The following BEGAIN variants were observed in gnomAD, a reference collection of about 807,000 sequenced individuals.
The protein encoded by BEGAIN is brain-enriched guanylate kinase-associated protein.
Under a neutral mutation model 35.8 loss-of-function variants are expected in BEGAIN, and 19 were observed. That is an observed-to-expected ratio of 0.53 (90% CI 0.37 to 0.78). The LOEUF is 0.78. Ranked by LOEUF, BEGAIN falls within the 30% of genes least tolerant of loss-of-function variation. BEGAIN has a pLI of 0.00. For synonymous variants in BEGAIN, 462 were observed against 388.6 expected (o/e 1.19, Z -2.22); for missense variants, 795 against 853.6 (o/e 0.93, Z 0.85).
chr14:100,572,730 T>C (rs1338789218), intron 1 of BEGAIN, among the ~76,000 whole-genome samples: 1 of 152,164 alleles, frequency 6.6e-6, no homozygotes, highest in East Asian at 1.9e-4. Flanking sequence ...TGGAAAATCC[T>C]TCACTGGGAG....
Position 100,538,456 on chromosome 14 carries a change from G to A in BEGAIN, c.1352C>T (p.Pro451Leu). The A allele has an allele frequency of 6.3e-7, 1 of 1,588,298 alleles. No individual in the cohort carries two copies. The highest frequency in any genetic ancestry group is 8.6e-7 in the Non-Finnish European group (1 of 1,169,254). ...TGAGGCGCGGCCGGCAGCGCTCACG[G>A]GGTAGGAGTAGGCGCCGATGTCCTC... ...SVEDIGAYSY[P>L]VSAAGRASPC... The change falls in exon 7 of 7, where the codon CCC becomes CTC. Residue 451 changes from proline to leucine, a missense_variant. Transcript: ENST00000554140.
intron 2 of BEGAIN, among the ~76,000 whole-genome samples, chr14:100,555,772 C>T (rs931129220): frequency 2.0e-5 from 3 of 152,212 alleles, no homozygotes; most frequent in African/African-American, 7.2e-5. Flanking sequence ...GGGTCGACCA[C>T]GGTGGCCCCG....
Position 100,568,156 on chromosome 14 carries a change from G to C in BEGAIN, c.43-217C>G. On this transcript the variant is annotated intron_variant, in intron 1 of 6. Transcript: ENST00000554140. The surrounding 1 kb of genome is among the most constrained non-coding windows in gnomAD (Gnocchi z 7.5). Reference sequence around the variant, plus strand: ...GGCCGAGTAACAGGTGAGCCCGCCCGGGCCGCCGCGCTCCCCGCACCGAGT... The same window carrying C: ...GGCCGAGTAACAGGTGAGCCCGCCCCGGCCGCCGCGCTCCCCGCACCGAGT... 15 of 929,186 alleles carry C rather than the reference G, an allele frequency of 1.6e-5. No individual in the cohort carries two copies. The highest frequency in any genetic ancestry group is 1.9e-5 in the Non-Finnish European group (15 of 774,872). The allele number at this position is 929,186 out of a possible 1,614,324, so 57.6% of individuals were successfully genotyped here.
At chr14:100,579,973 C>T (rs1265518517) in intron 1 of BEGAIN, among the ~76,000 whole-genome samples, 2 of 152,172 alleles carry the variant, frequency 1.3e-5, no homozygotes, top group East Asian at 3.9e-4. Flanking sequence ...GGATCCAGCC[C>T]GGCCTATCCC....
intron 1 of BEGAIN, among the ~76,000 whole-genome samples, chr14:100,577,121 C>T (rs182967195): frequency 1.5e-4 from 23 of 152,342 alleles, no homozygotes; most frequent in African/African-American, 5.5e-4. Context: ...ATATGCCTTC[C>T]GTACAGAAAT....
intron 2 of BEGAIN, among the ~76,000 whole-genome samples, chr14:100,564,373 A>G (rs2034525857): frequency 6.6e-6 from 1 of 151,586 alleles, no homozygotes; most frequent in African/African-American, 2.4e-5. Context: ...CGACTGACCC[A>G]CTTCTCTGTT....
chr14:100,579,992 G>A (rs954897954), intron 1 of BEGAIN, among the ~76,000 whole-genome samples: 2 of 151,720 alleles, frequency 1.3e-5, no homozygotes, highest in African/African-American at 4.9e-5. Flanking sequence ...CCACAAACAC[G>A]GCGAGTGTGA....
chr14:100,541,666 C>T (rs1055958052), intron 5 of BEGAIN, among the ~76,000 whole-genome samples: 2 of 152,244 alleles, frequency 1.3e-5, no homozygotes, highest in Admixed American at 1.3e-4. Context: ...GCCCAGCCAG[C>T]CCAGGTCTGC....
rs1016905431 is a variant in BEGAIN, at chr14:100,567,705, G to A, written c.71+206C>T. Among the ~76,000 whole-genome samples, 1 of 151,182 alleles carries A rather than the reference G, an allele frequency of 6.6e-6. No homozygotes were observed. The highest frequency in any genetic ancestry group is 1.5e-5 in the Non-Finnish European group (1 of 67,712). ...AGCCCCCGCCGCAGCGGCCCGGGCC[G>A]GCGGAGGAGCCCCGCGCGAGGCTCC... On this transcript the variant is annotated intron_variant, in intron 2 of 6. Coordinates refer to ENST00000554140, the MANE Select transcript of BEGAIN (RefSeq NM_001385089.1). The surrounding 1 kb of genome is among the most constrained non-coding windows in gnomAD (Gnocchi z 5.1).
At chr14:100,582,784 G>A (rs1017620707) in intron 1 of BEGAIN, among the ~76,000 whole-genome samples, 5 of 152,076 alleles carry the variant, frequency 3.3e-5, no homozygotes, top group Non-Finnish European at 5.9e-5. Flanking sequence ...AGGGCAAAGC[G>A]GGCCTGGAAA....
intron 1 of BEGAIN, among the ~76,000 whole-genome samples, chr14:100,570,758 G>A (rs568170157): frequency 2.0e-5 from 3 of 152,144 alleles, no homozygotes; most frequent in East Asian, 1.9e-4. Flanking sequence ...GCTCCTGCAC[G>A]GGCCCAGCAC....
intron 1 of BEGAIN, among the ~76,000 whole-genome samples, chr14:100,571,089 C>T (rs1450081517): frequency 1.3e-5 from 2 of 152,162 alleles, no homozygotes; most frequent in Non-Finnish European, 2.9e-5. Flanking sequence ...GTCCTCATGG[C>T]ACAGTCCTTC....
intron 2 of BEGAIN, chr14:100,547,399 C>G (rs1384792597): frequency 1.3e-5 from 2 of 152,280 alleles, no homozygotes; most frequent in Non-Finnish European, 2.9e-5. Context: ...AGAATGGGGT[C>G]TCCTGGAGGG....
intron 1 of BEGAIN, chr14:100,577,518 TCGATCCA>T: frequency 2.5e-6 from 1 of 399,268 alleles, no homozygotes; most frequent in Non-Finnish European, 4.4e-6. Context: ...GACCTTGGCC[TCGATCCA>T]CTGCAGAGGG....
At chr14:100,553,516 A>G (rs1037992986) in intron 2 of BEGAIN, among the ~76,000 whole-genome samples, 1 of 152,090 alleles carries the variant, frequency 6.6e-6, no homozygotes, top group Non-Finnish European at 1.5e-5. Flanking sequence ...AAGAGGGACA[A>G]CTGTCCCATA....
At chr14:100,564,506 C>T (rs999670704) in intron 2 of BEGAIN, among the ~76,000 whole-genome samples, 1 of 152,068 alleles carries the variant, frequency 6.6e-6, no homozygotes, top group Admixed American at 6.5e-5. Flanking sequence ...GGATTAGAGG[C>T]ACAGAGGCTC....
rs1328402158 is a variant in BEGAIN at position 100,573,656 on chromosome 14, T to C, written c.43-5717A>G. ...GAGAACCCCTGAGGTGACAGAAGCA[T>C]TGTGACCTCATGTTGAGCAGGGGAA... On this transcript the variant is annotated intron_variant, in intron 1 of 6. Coordinates refer to ENST00000554140, the MANE Select transcript of BEGAIN (RefSeq NM_001385089.1). This position sits in a 1 kb window ranked among gnomAD's most constrained non-coding sequence, Gnocchi z 4.2. 1.3e-5 allele frequency among the ~76,000 whole-genome samples: 2 copies of C among 151,798 alleles called. No individual in the cohort carries two copies. The highest frequency in any genetic ancestry group is 2.9e-5 in the Non-Finnish European group (2 of 67,922).
intron 2 of BEGAIN, among the ~76,000 whole-genome samples, chr14:100,560,778 C>T (rs1211774094): frequency 2.0e-5 from 3 of 152,198 alleles, no homozygotes; most frequent in Non-Finnish European, 4.4e-5. Context: ...GCTGCGTTCA[C>T]CTGACAAGCA....
chr14:100,541,313 C>T (rs1440430403), intron 5 of BEGAIN, among the ~76,000 whole-genome samples: 3 of 152,230 alleles, frequency 2.0e-5, no homozygotes, highest in Non-Finnish European at 2.9e-5. Context: ...TGGGGTGGCC[C>T]GGAGGCCCAG....
Sources: gnomAD v4.1 joint callset for allele counts (sites outside exome capture counted in the v4.1 genomes callset) on GRCh38, gnomAD v4.1.1 for gene constraint, Gnocchi (gnomAD v3.1) non-coding constraint, MANE v1.5 for transcripts, NCBI Gene and HGNC (gene_info 2026-07-23, HGNC 2026-07-21) for gene names.